Variants in HS3ST3B1 observed in about 807,000 individuals in gnomAD.
HS3ST3B1 encodes the protein heparan sulfate-glucosamine 3-sulfotransferase 3B1, also known as heparan sulfate glucosamine 3-O-sulfotransferase 3B1.
Under a neutral mutation model 21.3 loss-of-function variants are expected in HS3ST3B1, and 13 were observed. That is an observed-to-expected ratio of 0.61 (90% CI 0.40 to 0.97). The LOEUF (loss-of-function observed/expected upper bound fraction) is 0.97. Among genes scored for constraint, HS3ST3B1 ranks in the 50% least tolerant of loss-of-function variants. The probability of loss-of-function intolerance (pLI) is 0.00; values close to 1 mark genes in which losing one functional copy is unlikely to be tolerated. For synonymous variants in HS3ST3B1, 234 were observed against 254.8 expected, an observed-to-expected ratio of 0.92 and a Z score of 0.78; for missense variants, 459 against 554.8, an observed-to-expected ratio of 0.83 and a Z score of 1.73.
intron 1 of HS3ST3B1, among the ~76,000 whole-genome samples, chr17:14,309,309 G>A (rs920776966): frequency 2.0e-5 from 3 of 152,228 alleles, no homozygotes; most frequent in African/African-American, 7.2e-5. Context: ...GCGGGGGCAG[G>A]GCTGGCAGCC....
chr17:14,337,409 C>T (rs1354337446), intron 1 of HS3ST3B1, among the ~76,000 whole-genome samples: 1 of 151,484 alleles, frequency 6.6e-6, no homozygotes. Context: ...CTCACTGCAA[C>T]CTCCATCTCC....
chr17:14,343,108 G>T (rs1015826849), intron 1 of HS3ST3B1, among the ~76,000 whole-genome samples: 1 of 152,030 alleles, frequency 6.6e-6, no homozygotes, highest in Admixed American at 6.6e-5. Context: ...CAGGTGTGGT[G>T]GTGGGCGCCT....
At chr17:14,302,443 G>C (rs559310406) in intron 1 of HS3ST3B1, among the ~76,000 whole-genome samples, 7 of 152,144 alleles carry the variant, frequency 4.6e-5, no homozygotes, top group Non-Finnish European at 8.8e-5. Flanking sequence ...TCCTCCCGGA[G>C]CCCGAGACGC....
intron 1 of HS3ST3B1, among the ~76,000 whole-genome samples, chr17:14,333,210 G>A (rs1342906363): frequency 6.6e-6 from 1 of 152,146 alleles, no homozygotes; most frequent in Admixed American, 6.5e-5. Flanking sequence ...GCTCATGCCT[G>A]TAATCCCAGC....
intron 1 of HS3ST3B1, among the ~76,000 whole-genome samples, chr17:14,311,238 A>T (rs1443990519): frequency 1.1e-4 from 2 of 18,158 alleles, no homozygotes; most frequent in South Asian, 6.3e-3. Flanking sequence ...CTGGCTAATT[A>T]AAAAAAAAAA....
intron 1 of HS3ST3B1, among the ~76,000 whole-genome samples, chr17:14,336,261 C>T (rs1910183227): frequency 6.6e-6 from 1 of 152,156 alleles, no homozygotes; most frequent in African/African-American, 2.4e-5. Flanking sequence ...AGGTTACGCC[C>T]ATTTCAATAA....
chr17:14,313,433 G>C (rs115274615), intron 1 of HS3ST3B1, among the ~76,000 whole-genome samples: 1 of 152,016 alleles, frequency 6.6e-6, no homozygotes, highest in African/African-American at 2.4e-5. Flanking sequence ...CCTCTTGCTC[G>C]AAGCACCACT....
At chr17:14,313,570 ATTTCT>A (rs1394518513) in intron 1 of HS3ST3B1, among the ~76,000 whole-genome samples, 1 of 152,060 alleles carries the variant, frequency 6.6e-6, no homozygotes, top group Non-Finnish European at 1.5e-5. Context: ...TCCCTCCGTC[ATTTCT>A]TTTCTTTTTT....
rs182683628 is a variant in HS3ST3B1, at chr17:14,306,845, A to G, written c.554+4773A>G. On this transcript the variant is annotated intron_variant, in intron 1 of 1. Transcript: ENST00000360954. Reference sequence around the variant, plus strand: ...GGGTGAAGATAAAAAAAAAAAATCTACATTTGTATGCAACAATTTGAAATA... The same window carrying G: ...GGGTGAAGATAAAAAAAAAAAATCTGCATTTGTATGCAACAATTTGAAATA... 3.3e-5 allele frequency among the ~76,000 whole-genome samples: 5 copies of G among 151,482 alleles called. No individual in the cohort carries two copies. The East Asian group carries it at 9.7e-4, about 29-fold the overall frequency.
intron 1 of HS3ST3B1, among the ~76,000 whole-genome samples, chr17:14,330,439 G>A (rs1415602474): frequency 6.6e-6 from 1 of 152,068 alleles, no homozygotes; most frequent in Non-Finnish European, 1.5e-5. Flanking sequence ...CCTGTTGTCT[G>A]TGGCAGGGCA....
At chr17:14,342,981 C>A (rs536748295) in intron 1 of HS3ST3B1, among the ~76,000 whole-genome samples, 3 of 152,188 alleles carry the variant, frequency 2.0e-5, no homozygotes, top group Non-Finnish European at 2.9e-5. Flanking sequence ...CAGTGGCTCA[C>A]GCCTGTAATC....
At chr17:14,313,883 C>T (rs1256552518) in intron 1 of HS3ST3B1, among the ~76,000 whole-genome samples, 1 of 151,742 alleles carries the variant, frequency 6.6e-6, no homozygotes, top group Non-Finnish European at 1.5e-5. Flanking sequence ...TCCATCATTT[C>T]TAAGGAGGTG....
At chr17:14,308,698 AAG>A (rs1364112105) in intron 1 of HS3ST3B1, among the ~76,000 whole-genome samples, 5 of 152,224 alleles carry the variant, frequency 3.3e-5, no homozygotes, top group Non-Finnish European at 7.3e-5. Flanking sequence ...GTGAAAAAAT[AAG>A]ACTCTGGTTT....
rs1910605762 is a variant in HS3ST3B1, at chr17:14,347,162, C to T, written c.*1516C>T. 6.6e-6 allele frequency: 1 copy of T among 152,198 alleles called. No individual in the cohort carries two copies. Among genetic ancestry groups the T allele is most frequent in the African/African-American group, 2.4e-5 (1 of 41,454 alleles). The allele number at this position is 152,198 out of a possible 1,614,324, so 9.4% of individuals were successfully genotyped here. A position where few individuals can be genotyped will look rare whatever the true frequency, so the allele number is the denominator to read the frequency against. On this transcript the variant is annotated 3_prime_UTR_variant, in exon 2 of 2. Transcript: ENST00000360954. Reference sequence around the variant, plus strand: ...GCAAAAAAAGGTTGGGAAAGCTGGGCCCATATTGCCTGTAAACCCTTGAGC... The same window carrying T: ...GCAAAAAAAGGTTGGGAAAGCTGGGTCCATATTGCCTGTAAACCCTTGAGC...
chr17:14,324,179 C>T (rs367695163), intron 1 of HS3ST3B1, among the ~76,000 whole-genome samples: 54 of 152,198 alleles, frequency 3.5e-4, no homozygotes, highest in African/African-American at 1.2e-3. Context: ...GGAGACAGGA[C>T]GTAAATCTTC....
intron 1 of HS3ST3B1, among the ~76,000 whole-genome samples, chr17:14,323,896 A>G (rs189283160): frequency 6.6e-6 from 1 of 152,294 alleles, no homozygotes; most frequent in East Asian, 1.9e-4. Context: ...TTAGTGCCCT[A>G]TGTTCCCAGC....
rs554916116 is a variant in HS3ST3B1 at position 14,317,002 on chromosome 17, T to C, written c.554+14930T>C. Among the ~76,000 whole-genome samples the C allele has an allele frequency of 4.2e-4, 64 of 152,346 alleles. 1 individual carries two copies. The highest frequency in any genetic ancestry group is 3.5e-3 in the South Asian group (17 of 4,834). ...ACTTGGGGAAATTCTAACATCTGCA[T>C]GGATCGCCTGCTCACCTCTACCTGA... On this transcript the variant is annotated intron_variant, in intron 1 of 1. Coordinates refer to ENST00000360954, the MANE Select transcript of HS3ST3B1 (RefSeq NM_006041.3).
At chr17:14,308,850 C>A (rs1240990319) in intron 1 of HS3ST3B1, among the ~76,000 whole-genome samples, 1 of 152,146 alleles carries the variant, frequency 6.6e-6, no homozygotes, top group Non-Finnish European at 1.5e-5. Flanking sequence ...CTGTTTTCTC[C>A]CAAGTCTTTG....
At position 14,313,095 on chromosome 17, in the gene HS3ST3B1, T is replaced by TG. The variant is rs1334622080; in HGVS notation, c.554+11024dup. On this transcript the variant is annotated intron_variant, in intron 1 of 1. Transcript: ENST00000360954. ...CTAATTATTGTGTGTGTGTGTGTGG[T>TG]GTGTGTGTGTGTGTATATATATATA... Among the ~76,000 whole-genome samples the TG allele has an allele frequency of 7.0e-3, 763 of 109,470 alleles. 11 individuals carry two copies. The highest frequency in any genetic ancestry group is 0.027 in the African/African-American group (680 of 25,174). 71.8% of individuals were successfully genotyped at this position (109,470 alleles called of 152,430 possible).
Sources: gnomAD v4.1 joint callset for allele counts (sites outside exome capture counted in the v4.1 genomes callset) on GRCh38, gnomAD v4.1.1 for gene constraint, MANE v1.5 for transcripts, NCBI Gene and HGNC (gene_info 2026-07-23, HGNC 2026-07-21) for gene names.